COMT: variants seen among roughly 807,000 people sequenced by gnomAD.
COMT encodes catechol-O-methyltransferase, also known as catechol O-methyltransferase.
Under a neutral mutation model 18.9 loss-of-function variants are expected in COMT, and 13 were observed. The ratio of observed to expected loss-of-function variants is 0.69; its 90% confidence interval spans 0.45 to 1.09. The LOEUF (loss-of-function observed/expected upper bound fraction) is 1.09. Among genes scored for constraint, COMT ranks in the 50% least tolerant of loss-of-function variants. The pLI is 0.00. For synonymous variants in COMT, 150 were observed against 160.9 expected, an observed-to-expected ratio of 0.93 and a Z score of 0.51; for missense variants, 329 against 361.8, an observed-to-expected ratio of 0.91 and a Z score of 0.73.
At chr22:19,957,805 C>T (rs976663892) in intron 1 of COMT, among the ~76,000 whole-genome samples, 2 of 152,294 alleles carry the variant, frequency 1.3e-5, no homozygotes, top group East Asian at 1.9e-4. Flanking sequence ...CATGAGCTTG[C>T]GAGCCGATGG....
intron 1 of COMT, among the ~76,000 whole-genome samples, chr22:19,948,923 C>G (rs144603820): frequency 7.1e-6 from 1 of 141,324 alleles, no homozygotes; most frequent in Non-Finnish European, 1.5e-5. Context: ...CCATGGCACT[C>G]CAGCCTGGGT....
intron 1 of COMT, among the ~76,000 whole-genome samples, chr22:19,959,269 C>T (rs1942135064): frequency 6.6e-6 from 1 of 152,242 alleles, no homozygotes; most frequent in Admixed American, 6.5e-5. Context: ...AGGCCTGATT[C>T]TCGGCTTTTC....
intron 5 of COMT, among the ~76,000 whole-genome samples, chr22:19,968,091 C>T (rs1942521377): frequency 6.6e-6 from 1 of 152,190 alleles, no homozygotes; most frequent in African/African-American, 2.4e-5. Flanking sequence ...CCCACCTCAG[C>T]CCTGCAGGGT....
chr22:19,954,015 C>T (rs896742149), intron 1 of COMT, among the ~76,000 whole-genome samples: 5 of 152,192 alleles, frequency 3.3e-5, no homozygotes, highest in African/African-American at 7.2e-5. Flanking sequence ...GGAGGGGCCC[C>T]ACAGGCAGGG....
intron 5 of COMT, chr22:19,967,243 C>G (rs770389839): frequency 2.3e-6 from 3 of 1,299,042 alleles, no homozygotes; most frequent in Non-Finnish European, 3.0e-6. Context: ...AGTCCCCTGG[C>G]GCAACCCGAG....
At chr22:19,944,630 C>G (rs1381805950) in intron 1 of COMT, among the ~76,000 whole-genome samples, 2 of 152,162 alleles carry the variant, frequency 1.3e-5, no homozygotes, top group Non-Finnish European at 2.9e-5. Flanking sequence ...CGAGACCATC[C>G]TGGCTAACAC....
chr22:19,963,737 A>G lies in COMT; in HGVS notation c.461A>G (p.Asp154Gly). 3.1e-6 allele frequency: 5 copies of G among 1,612,374 alleles called. No homozygotes were observed. The highest frequency in any genetic ancestry group is 4.2e-6 in the Non-Finnish European group (5 of 1,179,974). The change falls in exon 4 of 6, where the codon GAT becomes GGT. Residue 154 changes from aspartate to glycine, a missense_variant. Coordinates refer to ENST00000361682, the MANE Select transcript of COMT (RefSeq NM_000754.4). ...DCAAITQRMVDFAGVKDKVTL... is the reference protein window; with the variant it reads ...DCAAITQRMVGFAGVKDKVTL... ...GCCGCCATCACCCAGCGGATGGTGG[A>G]TTTCGCTGGCGTGAAGGACAAGGTG...
chr22:19,964,032 T>A, intron 4 of COMT, 136 bp from the exon 5 acceptor site: 2 of 1,552,820 alleles, frequency 1.3e-6, no homozygotes, highest in Non-Finnish European at 1.8e-6. Context: ...TAAAGAAAAC[T>A]GATGAATGCT....
intron 1 of COMT, among the ~76,000 whole-genome samples, chr22:19,960,587 C>A (rs1393541875): frequency 6.6e-6 from 1 of 152,220 alleles, no homozygotes; most frequent in Non-Finnish European, 1.5e-5. Flanking sequence ...CACGGGTTTC[C>A]CTGCAGGCCT....
rs1243011989 is a variant in COMT at position 19,963,660 on chromosome 22, C to T, written c.384C>T (p.Arg128=). The T allele has an allele frequency of 6.2e-7, 1 of 1,612,982 alleles. No individual in the cohort carries two copies. The highest frequency in any genetic ancestry group is 1.7e-5 in the Admixed American group (1 of 60,020). The change falls in exon 4 of 6, where the codon CGC becomes CGT. Residue 128 remains arginine, a synonymous_variant. Coordinates refer to ENST00000361682, the MANE Select transcript of COMT (RefSeq NM_000754.4). The part of the protein sequence containing the change: ...YCGYSAVRMA[R]LLSPGARLIT... ...GCTACTCAGCTGTGCGCATGGCCCGCCTGCTGTCACCAGGGGCGAGGCTCA... is the reference window on the plus strand; with the variant it reads ...GCTACTCAGCTGTGCGCATGGCCCGTCTGCTGTCACCAGGGGCGAGGCTCA...
intron 1 of COMT, among the ~76,000 whole-genome samples, chr22:19,945,186 T>C (rs561326070): frequency 6.6e-6 from 1 of 152,298 alleles, no homozygotes; most frequent in South Asian, 2.1e-4. Flanking sequence ...GTCTATAGAT[T>C]TGGGTGAATT....
chr22:19,959,731 G>GC (rs1262650597), intron 1 of COMT, among the ~76,000 whole-genome samples: 1 of 152,236 alleles, frequency 6.6e-6, no homozygotes, highest in Admixed American at 6.5e-5. Flanking sequence ...GGGCACTGTA[G>GC]CCCCCAGGCA....
At chr22:19,959,351 G>T (rs1300905958) in intron 1 of COMT, among the ~76,000 whole-genome samples, 1 of 152,256 alleles carries the variant, frequency 6.6e-6, no homozygotes, top group African/African-American at 2.4e-5. Flanking sequence ...CGGTGACAGC[G>T]CAGGGTCAGC....
At chr22:19,952,299 G>A (rs929497579) in intron 1 of COMT, among the ~76,000 whole-genome samples, 8 of 149,900 alleles carry the variant, frequency 5.3e-5, no homozygotes, top group African/African-American at 1.3e-4. Flanking sequence ...AGGTGATCAC[G>A]CCACTGCACT....
intron 1 of COMT, among the ~76,000 whole-genome samples, chr22:19,950,692 G>C (rs772286682): frequency 1.3e-4 from 20 of 152,038 alleles, no homozygotes; most frequent in Admixed American, 3.3e-4. Context: ...AGACTTGAAG[G>C]GGGTGTCTCC....
intron 1 of COMT, among the ~76,000 whole-genome samples, chr22:19,950,407 G>T (rs1350636896): frequency 1.3e-5 from 2 of 151,944 alleles, no homozygotes; most frequent in Non-Finnish European, 2.9e-5. Context: ...TATCTGAACT[G>T]TGTTTCTGGC....
chr22:19,943,031 T>A (rs1941769602), intron 1 of COMT, among the ~76,000 whole-genome samples: 1 of 152,180 alleles, frequency 6.6e-6, no homozygotes, highest in African/African-American at 2.4e-5. Context: ...GCAGGCACTT[T>A]AGAGGGGGCT....
chr22:19,949,562 T>C (rs987809994), intron 1 of COMT, among the ~76,000 whole-genome samples: 1 of 152,154 alleles, frequency 6.6e-6, no homozygotes, highest in Non-Finnish European at 1.5e-5. Context: ...GAGTTTTGTT[T>C]TCATATATTG....
chr22:19,955,597 C>T lies in COMT; in HGVS notation c.-91-5602C>T, dbSNP rs373922169. On this transcript the variant is annotated intron_variant, in intron 1 of 5. Coordinates refer to ENST00000361682, the MANE Select transcript of COMT (RefSeq NM_000754.4). ...ACCTGTGTGCCGAGCAGAGCTGCCC[C>T]GTGTGTAAACGCTTAGAACTGGCCT... Among the ~76,000 whole-genome samples, 48 of 152,362 alleles carry T rather than the reference C, an allele frequency of 3.2e-4. No individual in the cohort carries two copies. In the South Asian group the frequency reaches 7.0e-3, roughly 22 times the overall value.
Sources: allele counts gnomAD v4.1 joint callset (sites outside exome capture counted in the v4.1 genomes callset), GRCh38; gene constraint gnomAD v4.1.1; transcripts MANE v1.5; gene names NCBI Gene and HGNC (gene_info 2026-07-23, HGNC 2026-07-21).